The following NFATC2 variants were observed in gnomAD, a reference collection of about 807,000 sequenced individuals.
The protein encoded by NFATC2 is nuclear factor of activated T cells 2.
A neutral mutation model predicts 87.3 loss-of-function variants in NFATC2; 22 were observed. That is an observed-to-expected ratio of 0.25 (90% CI 0.18 to 0.36). The LOEUF is 0.36. Ranked by LOEUF, NFATC2 falls within the 10% of genes least tolerant of loss-of-function variation. The pLI, the probability that NFATC2 is intolerant of heterozygous loss-of-function variation, is 1.00. For synonymous variants in NFATC2, 565 were observed against 542.2 expected (o/e 1.04, Z -0.58); for missense variants, 1,149 against 1,259.1 (o/e 0.91, Z 1.32).
intron 9 of NFATC2, among the ~76,000 whole-genome samples, chr20:51,422,050 CAG>C (rs1369142574): frequency 6.6e-6 from 1 of 152,192 alleles, no homozygotes; most frequent in Non-Finnish European, 1.5e-5. Context: ...CTACTTTGCC[CAG>C]AGTTTTGGAA....
chr20:51,543,087 C>G (rs922658256), upstream of NFATC2, among the ~76,000 whole-genome samples: 2 of 152,168 alleles, frequency 1.3e-5, no homozygotes, highest in Non-Finnish European at 2.9e-5. Flanking sequence ...TATCCACCCC[C>G]TTCTATTGCA....
At chr20:51,459,890 CA>C (rs1190002051) in intron 5 of NFATC2, among the ~76,000 whole-genome samples, 2 of 151,928 alleles carry the variant, frequency 1.3e-5, no homozygotes, top group African/African-American at 4.8e-5. Flanking sequence ...AAAAAACAAA[CA>C]AAGAAACAAA....
At chr20:51,536,317 G>A (rs192593027) in intron 1 of NFATC2, among the ~76,000 whole-genome samples, 66 of 152,284 alleles carry the variant, frequency 4.3e-4, no homozygotes, top group Admixed American at 1.2e-3. Flanking sequence ...CTGGCTGTGA[G>A]ATATAGTGCT....
At chr20:51,393,252 TG>T (rs1308424087) in intron 10 of NFATC2, among the ~76,000 whole-genome samples, 1 of 107,888 alleles carries the variant, frequency 9.3e-6, no homozygotes, top group East Asian at 3.3e-4. Flanking sequence ...TGGTGAACCT[TG>T]CCTTGGTGAC....
At chr20:51,395,133 C>G (rs894118235) in intron 10 of NFATC2, among the ~76,000 whole-genome samples, 2 of 152,202 alleles carry the variant, frequency 1.3e-5, no homozygotes, top group African/African-American at 4.8e-5. Context: ...GAGCCATTCA[C>G]ATTTCCTGAG....
intron 3 of NFATC2, among the ~76,000 whole-genome samples, chr20:51,483,461 G>T (rs767014754): frequency 6.6e-6 from 1 of 152,098 alleles, no homozygotes; most frequent in African/African-American, 2.4e-5. Flanking sequence ...GGAGGGTACC[G>T]GGGAAGAGGA....
chr20:51,445,540 G>C (rs991999114), intron 6 of NFATC2, among the ~76,000 whole-genome samples: 3 of 152,196 alleles, frequency 2.0e-5, no homozygotes, highest in African/African-American at 7.2e-5. Flanking sequence ...CCTTGCCATT[G>C]TATAGAACAT....
At chr20:51,561,484 A>AAAGAAAGAAAGCAAGCAAGCAAGC (rs2077029945) in intron 1 of NFATC2, among the ~76,000 whole-genome samples, 1 of 89,980 alleles carries the variant, frequency 1.1e-5, no homozygotes, top group Non-Finnish European at 2.2e-5. Context: ...AGAAAGAAAG[A>AAAGAAAGAAAGCAAGCAAGCAAGC]AAGCAAGCAA....
At chr20:51,475,708 C>G (rs764580306) in intron 3 of NFATC2, 48 bp from the exon 4 acceptor site, 7 of 1,579,872 alleles carry the variant, frequency 4.4e-6, no homozygotes, top group Non-Finnish European at 6.1e-6. Context: ...TGTGGTGGCT[C>G]TAATCCAATA....
chr20:51,533,426 GTA>G (rs1182056898), intron 1 of NFATC2, among the ~76,000 whole-genome samples: 1 of 152,220 alleles, frequency 6.6e-6, no homozygotes, highest in Non-Finnish European at 1.5e-5. Flanking sequence ...TGAATCATGT[GTA>G]TTAATGACCA....
chr20:51,539,563 A>G (rs761544132), intron 1 of NFATC2, among the ~76,000 whole-genome samples: 2 of 152,200 alleles, frequency 1.3e-5, no homozygotes. Context: ...GGCTCAGGGC[A>G]GCCTCGAACT....
At chr20:51,392,181 G>A (rs533929540) in intron 10 of NFATC2, among the ~76,000 whole-genome samples, 4 of 152,172 alleles carry the variant, frequency 2.6e-5, no homozygotes, top group African/African-American at 7.2e-5. Flanking sequence ...TAAAACTTAC[G>A]GTTCTCAAAA....
chr20:51,392,646 T>A (rs1427049946), intron 10 of NFATC2, among the ~76,000 whole-genome samples: 1 of 152,178 alleles, frequency 6.6e-6, no homozygotes, highest in Non-Finnish European at 1.5e-5. Context: ...GGGAGTCCCA[T>A]CAAAGGCAGG....
At chr20:51,418,679 T>TTTTTTTTG (rs1980404384) in intron 9 of NFATC2, among the ~76,000 whole-genome samples, 1 of 143,714 alleles carries the variant, frequency 7.0e-6, no homozygotes, top group African/African-American at 2.8e-5. Context: ...TTTTTTTTTT[T>TTTTTTTTG]TGAGACGGAG....
In NFATC2 at chr20:51,390,326, G is replaced by A. The variant is rs1367770122; in HGVS notation, c.*1170C>T. ...GGCTGTCCCACTTAGAGGGAATTCA[G>A]CCCTTTTCCTCTATCTTGGTAGAAA... On this transcript the variant is annotated 3_prime_UTR_variant, in exon 11 of 11. Transcript: ENST00000371564. 1 of 152,220 alleles carries A rather than the reference G, an allele frequency of 6.6e-6. No individual in the cohort carries two copies. Among genetic ancestry groups the A allele is most frequent in the East Asian group, 1.9e-4 (1 of 5,202 alleles). The allele number at this position is 152,220 out of a possible 1,614,324, so 9.4% of individuals were successfully genotyped here.
At chr20:51,460,611 T>A in intron 5 of NFATC2, among the ~76,000 whole-genome samples, 1 of 148,428 alleles carries the variant, frequency 6.7e-6, no homozygotes, top group Non-Finnish European at 1.5e-5. Context: ...TCTCGGTGAA[T>A]CCTGAGCCAT....
In NFATC2 at chr20:51,523,723, C is replaced by G. The variant is rs1030630899; in HGVS notation, c.518G>C (p.Gly173Ala). 1 of 1,611,984 alleles carries G rather than the reference C, an allele frequency of 6.2e-7. No individual in the cohort carries two copies. The highest frequency in any genetic ancestry group is 1.3e-5 in the African/African-American group (1 of 74,852). ...EPLCLSPASS[G>A]SSASFISDTF... ...GTCAGAAATGAAGCTGGCAGAGGAGCCGCTGCTAGCGGGGCTCAAGCAAAG... is the reference window on the plus strand; with the variant it reads ...GTCAGAAATGAAGCTGGCAGAGGAGGCGCTGCTAGCGGGGCTCAAGCAAAG... Residue 173 changes from glycine to alanine, a missense_variant, in exon 2 of 11, where the codon GGC becomes GCC. Transcript: ENST00000371564. The surrounding 1 kb of genome is among the most constrained non-coding windows in gnomAD (Gnocchi z 6.9).
chr20:51,501,285 T>C (rs535749690), intron 3 of NFATC2, among the ~76,000 whole-genome samples: 1 of 152,322 alleles, frequency 6.6e-6, no homozygotes, highest in East Asian at 1.9e-4. Context: ...TGTGCAACTG[T>C]ATCCAGTGAC....
At chr20:51,463,955 A>G (rs1487583237) in intron 5 of NFATC2, among the ~76,000 whole-genome samples, 1 of 151,418 alleles carries the variant, frequency 6.6e-6, no homozygotes, top group Non-Finnish European at 1.5e-5. Flanking sequence ...CAATCAGCAA[A>G]GAAGCCACCC....
Sources: allele counts gnomAD v4.1 joint callset (sites outside exome capture counted in the v4.1 genomes callset), GRCh38; gene constraint gnomAD v4.1.1; non-coding constraint Gnocchi (gnomAD v3.1); transcripts MANE v1.5; gene names NCBI Gene and HGNC (gene_info 2026-07-23, HGNC 2026-07-21).